The following ZDHHC21 variants were observed in gnomAD, a reference collection of about 807,000 sequenced individuals.
ZDHHC21 encodes zDHHC palmitoyltransferase 21, also known as palmitoyltransferase ZDHHC21.
In ZDHHC21, 15 loss-of-function variants were observed where a neutral mutation model predicts 34.6. That is an observed-to-expected ratio of 0.43 (90% CI 0.29 to 0.67). The LOEUF (loss-of-function observed/expected upper bound fraction) is 0.67, where lower values mean the gene tolerates loss of function less well. Among genes scored for constraint, ZDHHC21 ranks in the 30% least tolerant of loss-of-function variants. The pLI, the probability that ZDHHC21 is intolerant of heterozygous loss-of-function variation, is 0.14. For missense variants in ZDHHC21, 344 were observed against 327.7 expected (o/e 1.05, Z -0.38); for synonymous variants, 142 against 101.8 (o/e 1.40, Z -2.38).
chr9:14,635,174 T>A lies in ZDHHC21; in HGVS notation c.621+4722A>T, dbSNP rs974860400. On this transcript the variant is annotated intron_variant, in intron 8 of 9. Transcript: ENST00000380916. Reference sequence around the variant, plus strand: ...ATTTAAAAAAAGAACAAAGACTACATGACATATTGAATACCATGAAGTGAC... The same window carrying A: ...ATTTAAAAAAAGAACAAAGACTACAAGACATATTGAATACCATGAAGTGAC... Among the ~76,000 whole-genome samples, 16 of 152,302 alleles carry A rather than the reference T, an allele frequency of 1.1e-4. 1 individual carries two copies. The highest frequency in any genetic ancestry group is 3.8e-4 in the African/African-American group (16 of 41,582).
chr9:14,674,658 T>C (rs1362453610), intron 3 of ZDHHC21, among the ~76,000 whole-genome samples: 6 of 152,044 alleles, frequency 3.9e-5, no homozygotes, highest in African/African-American at 1.4e-4. Context: ...AGGTATAAAC[T>C]GGAATCATCT....
intron 5 of ZDHHC21, among the ~76,000 whole-genome samples, chr9:14,664,181 G>A (rs1044659891): frequency 2.7e-5 from 4 of 150,182 alleles, no homozygotes; most frequent in Non-Finnish European, 4.4e-5. Flanking sequence ...GCAGGGCGAG[G>A]CATTGCCTCA....
intron 5 of ZDHHC21, among the ~76,000 whole-genome samples, chr9:14,669,892 A>T (rs1385995901): frequency 1.4e-5 from 2 of 144,166 alleles, no homozygotes; most frequent in Non-Finnish European, 3.0e-5. Context: ...ATTGGGAGAT[A>T]TACCTAATGC....
intron 5 of ZDHHC21, among the ~76,000 whole-genome samples, chr9:14,672,332 C>A (rs1437671015): frequency 1.3e-5 from 2 of 151,532 alleles, no homozygotes; most frequent in East Asian, 1.9e-4. Flanking sequence ...TTTTTTTTTA[C>A]TAAATTAAAA....
Position 14,618,709 on chromosome 9 carries a change from A to C in ZDHHC21, c.*257T>G, listed in dbSNP as rs1422079865. On this transcript the variant is annotated 3_prime_UTR_variant, in exon 10 of 10. Transcript: ENST00000380916. ...ATCCTAATCACTGCCTTTTGAGTTT[A>C]ATAACAAAAGCATTTCAAGAAATCC... is the stretch of plus-strand genomic sequence containing the variant. 3.1e-6 allele frequency: 1 copy of C among 320,964 alleles called. No homozygotes were observed. The highest frequency in any genetic ancestry group is 2.1e-5 in the African/African-American group (1 of 46,844). The allele number at this position is 320,964 out of a possible 1,614,324, so 19.9% of individuals were successfully genotyped here. A position where few individuals can be genotyped will look rare whatever the true frequency, so the allele number is the denominator to read the frequency against.
the ZDHHC21 span, among the ~76,000 whole-genome samples, chr9:14,604,977 G>A: frequency 6.6e-6 from 1 of 152,034 alleles, no homozygotes; most frequent in Non-Finnish European, 1.5e-5. Context: ...TCCTTCTGTG[G>A]CTGGCTTATT....
chr9:14,691,887 A>G (rs1367859045), intron 1 of ZDHHC21, among the ~76,000 whole-genome samples: 1 of 152,208 alleles, frequency 6.6e-6, no homozygotes, highest in Non-Finnish European at 1.5e-5. Flanking sequence ...ATTTAAAAAC[A>G]TTTTCCAAGT....
chr9:14,627,591 A>T (rs1237988772), intron 8 of ZDHHC21, among the ~76,000 whole-genome samples: 1 of 152,188 alleles, frequency 6.6e-6, no homozygotes, highest in Non-Finnish European at 1.5e-5. Flanking sequence ...AGACATCATC[A>T]AAAGCTTACA....
chr9:14,606,184 T>C (rs969693378), downstream of ZDHHC21, among the ~76,000 whole-genome samples: 7 of 152,184 alleles, frequency 4.6e-5, no homozygotes, highest in Admixed American at 2.0e-4. Context: ...TCTCCCATCC[T>C]ATATACTTTT....
At chr9:14,659,395 G>C (rs553516192) in intron 6 of ZDHHC21, among the ~76,000 whole-genome samples, 1 of 152,002 alleles carries the variant, frequency 6.6e-6, no homozygotes, top group Non-Finnish European at 1.5e-5. Context: ...ATCTACCCCT[G>C]GTTGCTGAAA....
intron 4 of ZDHHC21, 24 bp downstream of exon 4, chr9:14,674,163 G>A: frequency 6.9e-7 from 1 of 1,444,814 alleles, no homozygotes; most frequent in South Asian, 1.6e-5. Context: ...AATTATACAA[G>A]AAAATAAAGA....
rs988708483 is a variant in ZDHHC21, at chr9:14,682,841, C to A, written c.-175-2679G>T. On this transcript the variant is annotated intron_variant, in intron 2 of 9. Transcript: ENST00000380916. ...ACAGAAATTACAACAAACTATCTCTCAGACCACAGTGCAATCAAATTAGAA... is the reference window on the plus strand; with the variant it reads ...ACAGAAATTACAACAAACTATCTCTAAGACCACAGTGCAATCAAATTAGAA... 7.2e-5 allele frequency among the ~76,000 whole-genome samples: 11 copies of A among 152,222 alleles called. No homozygotes were observed. In the East Asian group the frequency reaches 7.7e-4, roughly 11 times the overall value.
intron 7 of ZDHHC21, among the ~76,000 whole-genome samples, chr9:14,644,061 ATT>A (rs1487253732): frequency 1.3e-5 from 2 of 152,202 alleles, no homozygotes; most frequent in Non-Finnish European, 2.9e-5. Flanking sequence ...CGTATAATAT[ATT>A]CTCTCCATTA....
At chr9:14,643,541 T>C (rs904494589) in intron 7 of ZDHHC21, among the ~76,000 whole-genome samples, 2 of 152,224 alleles carry the variant, frequency 1.3e-5, no homozygotes, top group Non-Finnish European at 2.9e-5. Flanking sequence ...AATGTATCAA[T>C]CTTTTCCTTT....
chr9:14,635,249 C>T (rs575974421), intron 8 of ZDHHC21, among the ~76,000 whole-genome samples: 2 of 152,196 alleles, frequency 1.3e-5, no homozygotes, highest in South Asian at 4.1e-4. Context: ...AAACAACAAA[C>T]CTAGAAAACC....
the ZDHHC21 span, among the ~76,000 whole-genome samples, chr9:14,601,508 G>A: frequency 6.6e-6 from 1 of 152,188 alleles, no homozygotes; most frequent in Non-Finnish European, 1.5e-5. Context: ...AGATGCTGGA[G>A]AGGATGTGGA....
Position 14,641,570 on chromosome 9 carries a change from T to C in ZDHHC21, c.505-1558A>G, listed in dbSNP as rs76476457. Among the ~76,000 whole-genome samples the C allele has an allele frequency of 6.2e-3, 936 of 152,162 alleles. 15 individuals are homozygous for C. Among genetic ancestry groups the C allele is most frequent in the African/African-American group, 0.021 (884 of 41,516 alleles). ...CCAGATGAACCAAAATATGTAGGAA[T>C]ACACAAAACACACTCACCCGTCAAA... On this transcript the variant is annotated intron_variant, in intron 7 of 9. Coordinates refer to ENST00000380916, the MANE Select transcript of ZDHHC21 (RefSeq NM_178566.6).
the ZDHHC21 span, among the ~76,000 whole-genome samples, chr9:14,605,184 C>T: frequency 1.3e-5 from 2 of 149,050 alleles, no homozygotes; most frequent in Non-Finnish European, 3.0e-5. Context: ...GTGCAAATAT[C>T]TCTTCCAGAT....
rs752645662 is a variant in ZDHHC21 at position 14,615,552 on chromosome 9, A to T, written c.*3414T>A. The T allele has an allele frequency of 6.6e-6, 1 of 151,736 alleles. No homozygotes were observed. The highest frequency in any genetic ancestry group is 1.5e-5 in the Non-Finnish European group (1 of 67,724). The allele number at this position is 151,736 out of a possible 1,614,324, so 9.4% of individuals were successfully genotyped here. A position where few individuals can be genotyped will look rare whatever the true frequency, so the allele number is the denominator to read the frequency against. The stretch of plus-strand genomic sequence containing the variant: ...AACTCTTAAGCAAAATAGTATTTTT[A>T]TTATAATGAAACATCAGCTAACTTG... On this transcript the variant is annotated 3_prime_UTR_variant, in exon 10 of 10. Coordinates refer to ENST00000380916, the MANE Select transcript of ZDHHC21 (RefSeq NM_178566.6).
Sources: allele counts gnomAD v4.1 joint callset (sites outside exome capture counted in the v4.1 genomes callset), GRCh38; gene constraint gnomAD v4.1.1; transcripts MANE v1.5; gene names NCBI Gene and HGNC (gene_info 2026-07-23, HGNC 2026-07-21).